THADA: variants seen among roughly 807,000 people sequenced by gnomAD.
THADA encodes tRNA (32-2'-O)-methyltransferase regulator THADA.
THADA carries 213 observed loss-of-function variants against 219.8 expected under a neutral mutation model. That is an observed-to-expected ratio of 0.97 (90% CI 0.87 to 1.09). The LOEUF is 1.09. Ranked by LOEUF, THADA falls within the 50% of genes least tolerant of loss-of-function variation. The pLI is 0.00. For missense variants in THADA, 2,956 were observed against 2,311.3 expected (o/e 1.28, Z -5.72); for synonymous variants, 1,018 against 828.9 (o/e 1.23, Z -3.92).
chr2:43,526,323 A>G (rs972500212), intron 22 of THADA, among the ~76,000 whole-genome samples: 1 of 129,854 alleles, frequency 7.7e-6, no homozygotes, highest in African/African-American at 3.3e-5. Flanking sequence ...CATCCCTGCT[A>G]CAGTAAATCT....
intron 30 of THADA, among the ~76,000 whole-genome samples, chr2:43,330,173 A>G (rs1169099049): frequency 6.6e-6 from 1 of 152,136 alleles, no homozygotes; most frequent in Non-Finnish European, 1.5e-5. Flanking sequence ...CCATTCACCA[A>G]GTGCCTCTAG....
rs150137265 is a variant in THADA at position 43,585,056 on chromosome 2, C to T, written c.533+1345G>A. 4.5e-3 allele frequency among the ~76,000 whole-genome samples: 678 copies of T among 152,190 alleles called. 2 individuals are homozygous for T. Among genetic ancestry groups the T allele is most frequent in the African/African-American group, 0.015 (629 of 41,516 alleles). ...AGAGTCTTCCGTGGCAAATCCAGTA[C>T]CTAAGCAAAAAGATTTAAACGTACT... On this transcript the variant is annotated intron_variant, in intron 7 of 37. Coordinates refer to ENST00000405975, the MANE Select transcript of THADA (RefSeq NM_022065.5).
chr2:43,572,647 T>G (rs1363428664), intron 12 of THADA, among the ~76,000 whole-genome samples, 167 bp downstream of exon 12: 1 of 152,152 alleles, frequency 6.6e-6, no homozygotes, highest in Non-Finnish European at 1.5e-5. Context: ...TTCAGTAGCT[T>G]GAAGAAAGGG....
At chr2:43,461,983 G>C (rs184943638) in intron 26 of THADA, among the ~76,000 whole-genome samples, 43 of 152,278 alleles carry the variant, frequency 2.8e-4, no homozygotes, top group African/African-American at 9.6e-4. Context: ...AGAGGGAACA[G>C]AGTTTAAACC....
intron 36 of THADA, among the ~76,000 whole-genome samples, chr2:43,250,821 C>T (rs1353553828): frequency 1.3e-5 from 2 of 152,060 alleles, no homozygotes; most frequent in African/African-American, 4.8e-5. Context: ...ATTCTGTGTC[C>T]CTGAGGCGTT....
chr2:43,575,053 T>C (rs929494835), intron 10 of THADA, 26 bp from the exon 11 acceptor site: 46 of 1,551,320 alleles, frequency 3.0e-5, no homozygotes, highest in Non-Finnish European at 3.9e-5. Flanking sequence ...CCATGAGCCA[T>C]TATTGTAAAC....
Position 43,578,576 on chromosome 2 carries a change from A to G in THADA, c.753T>C (p.Ser251=). The change falls in exon 9 of 38, where the codon TCT becomes TCC. Residue 251 remains serine, a synonymous_variant. Coordinates refer to ENST00000405975, the MANE Select transcript of THADA (RefSeq NM_022065.5). ...DDLLQTVQST[S]GLAIILFIKT... ...TAATAAAAAGAATAATAGCTAATCC[A>G]GATGTGCTCTGTACAGTCTGTAACA... is the stretch of plus-strand genomic sequence containing the variant. 6.2e-7 allele frequency: 1 copy of G among 1,612,830 alleles called. No homozygotes were observed. Among genetic ancestry groups the G allele is most frequent in the Non-Finnish European group, 8.5e-7 (1 of 1,179,038 alleles).
chr2:43,559,679 G>A (rs77552263), intron 16 of THADA, among the ~76,000 whole-genome samples: 7,249 of 152,288 alleles, frequency 0.048, 222 homozygotes, highest in Non-Finnish European at 0.076. Flanking sequence ...AGTGGGAAGA[G>A]CAATGTGTCA....
intron 36 of THADA, among the ~76,000 whole-genome samples, chr2:43,248,164 T>TATATATATATAG (rs1669412946): frequency 9.8e-5 from 4 of 40,938 alleles, no homozygotes; most frequent in Non-Finnish European, 1.7e-4. Flanking sequence ...TATATATATA[T>TATATATATATAG]AGAGAGAGAG....
intron 24 of THADA, among the ~76,000 whole-genome samples, chr2:43,502,212 C>A (rs140493752): frequency 1.1e-3 from 166 of 152,250 alleles, no homozygotes; most frequent in African/African-American, 3.5e-3. Flanking sequence ...AAGATCCTAT[C>A]AGTAAAAAAT....
chr2:43,341,578 C>T (rs1359756313), intron 30 of THADA, among the ~76,000 whole-genome samples: 1 of 152,136 alleles, frequency 6.6e-6, no homozygotes, highest in African/African-American at 2.4e-5. Context: ...GTAATGGACT[C>T]AGGAAGCCAG....
rs528846481 is a variant in THADA, at chr2:43,591,559, CA to C, written c.171+392del. Among the ~76,000 whole-genome samples the C allele has an allele frequency of 5.6e-4, 80 of 142,318 alleles. 1 individual carries two copies. The South Asian group carries it at 0.016, about 28-fold the overall frequency. The allele number at this position is 142,318 out of a possible 152,430, so 93.4% of individuals were successfully genotyped here. A position where few individuals can be genotyped will look rare whatever the true frequency, so the allele number is the denominator to read the frequency against. On this transcript the variant is annotated intron_variant, in intron 3 of 37. Coordinates refer to ENST00000405975, the MANE Select transcript of THADA (RefSeq NM_022065.5). ...ACCAGTAATACATTTACTTGCTTTC[CA>C]AAAAAAAAAACTATGTGTGCTCAAA...
intron 7 of THADA, among the ~76,000 whole-genome samples, chr2:43,584,504 C>A (rs1700802992): frequency 1.3e-5 from 2 of 152,198 alleles, no homozygotes; most frequent in Non-Finnish European, 2.9e-5. Flanking sequence ...TGGAAAAAGG[C>A]TACCCTGAGT....
In THADA at chr2:43,435,134, T is replaced by G. The variant is rs552451733; in HGVS notation, c.3837-4832A>C. On this transcript the variant is annotated intron_variant, in intron 26 of 37. Coordinates refer to ENST00000405975, the MANE Select transcript of THADA (RefSeq NM_022065.5). Reference sequence around the variant, plus strand: ...ACTACGTATACAAATTAAATTCCATTGACTTCAAGGCTTTAAAACAGCATA... The same window carrying G: ...ACTACGTATACAAATTAAATTCCATGGACTTCAAGGCTTTAAAACAGCATA... Among the ~76,000 whole-genome samples the G allele has an allele frequency of 7.9e-5, 12 of 152,244 alleles. No homozygotes were observed. In the South Asian group the frequency reaches 1.5e-3, roughly 18 times the overall value.
In THADA at chr2:43,303,568, T is replaced by TA. The variant is rs11348537; in HGVS notation, c.4439-10356dup. Among the ~76,000 whole-genome samples, 1,275 of 149,308 alleles carry TA rather than the reference T, an allele frequency of 8.5e-3. 10 individuals are homozygous for TA. Among genetic ancestry groups the TA allele is most frequent in the South Asian group, 0.025 (120 of 4,726 alleles). ...AGCTACTCATATAGGTTTGTTAAAT[T>TA]AAAAAAAAAATCAATATAATTTTTA... is the stretch of plus-strand genomic sequence containing the variant. On this transcript the variant is annotated intron_variant, in intron 31 of 37. Transcript: ENST00000405975.
chr2:43,282,026 TC>T (rs1673423754), intron 35 of THADA, among the ~76,000 whole-genome samples: 1 of 152,200 alleles, frequency 6.6e-6, no homozygotes, highest in Admixed American at 6.5e-5. Context: ...TGCCTCGTCC[TC>T]CCAAAGTGCT....
intron 31 of THADA, among the ~76,000 whole-genome samples, chr2:43,307,694 C>CTG (rs1340089832): frequency 2.0e-5 from 3 of 152,290 alleles, no homozygotes; most frequent in African/African-American, 7.2e-5. Context: ...CCAACCAATC[C>CTG]TAAGTAACTC....
At chr2:43,509,176 A>T (rs1690074877) in intron 22 of THADA, among the ~76,000 whole-genome samples, 1 of 152,198 alleles carries the variant, frequency 6.6e-6, no homozygotes, top group Admixed American at 6.5e-5. Flanking sequence ...GGGATTACAC[A>T]TATTCAAAGA....
At chr2:43,442,773 C>T (rs1052369676) in intron 26 of THADA, among the ~76,000 whole-genome samples, 4 of 152,158 alleles carry the variant, frequency 2.6e-5, no homozygotes, top group Non-Finnish European at 4.4e-5. Flanking sequence ...ATCACCTCAA[C>T]TAGAGCACAG....
Sources: gnomAD v4.1 joint callset for allele counts (sites outside exome capture counted in the v4.1 genomes callset) on GRCh38, gnomAD v4.1.1 for gene constraint, MANE v1.5 for transcripts, NCBI Gene and HGNC (gene_info 2026-07-23, HGNC 2026-07-21) for gene names.